Variants in OXER1 observed in about 807,000 individuals in gnomAD.
The protein encoded by OXER1 is oxoeicosanoid receptor 1.
For missense variants in OXER1, 587 were observed against 551.7 expected (o/e 1.06, Z -0.64); for synonymous variants, 258 against 245.8 (o/e 1.05, Z -0.47).
chr2:42,762,749 C>A, exon 1 of OXER1: 4 of 804,282 alleles, frequency 5.0e-6, no homozygotes, highest in Admixed American at 2.8e-5. Context: ...GGGTTTCTCT[C>A]CCTGCCACCC....
exon 1 of OXER1, chr2:42,762,777 G>T (rs1670499474): frequency 9.3e-7 from 1 of 1,075,714 alleles, no homozygotes; most frequent in Non-Finnish European, 1.3e-6. Context: ...TCCTGCCAGT[G>T]CTTTGGCCTG....
chr2:42,762,958 T>C, exon 1 of OXER1: 1 of 1,613,732 alleles, frequency 6.2e-7, no homozygotes, highest in Non-Finnish European at 8.5e-7. Context: ...CCCTGCACTT[T>C]CAGCTTCCCT....
At position 42,763,818 on chromosome 2, in the gene OXER1, G is replaced by C; in HGVS notation, c.362C>G (p.Thr121Arg). The change falls in exon 1 of 1, where the codon ACG (threonine) becomes AGG (arginine). Residue 121 changes from threonine to arginine, a missense_variant. Transcript: ENST00000378661. The surrounding 1 kb of genome is among the most constrained non-coding windows in gnomAD (Gnocchi z 4.4). ...CACCGTGTTGGAGGTCCAGGGCCGC[G>C]TGTGGATGCAGAAGATGAAGAGGGC... The C allele has an allele frequency of 6.2e-7, 1 of 1,613,954 alleles. No individual in the cohort carries two copies. The highest frequency in any genetic ancestry group is 8.5e-7 in the Non-Finnish European group (1 of 1,180,012).
chr2:42,762,666 TCTC>T, exon 1 of OXER1: 1 of 524,202 alleles, frequency 1.9e-6, no homozygotes. Context: ...ACCTTGCCTG[TCTC>T]CTCCACCCGG....
exon 1 of OXER1, chr2:42,762,856 C>G (rs1424774520): frequency 1.9e-6 from 3 of 1,542,846 alleles, no homozygotes; most frequent in East Asian, 4.5e-5. Context: ...TCCCTCCAGG[C>G]CAGAGCGCGG....
At chr2:42,762,683 C>T in exon 1 of OXER1, 1 of 550,606 alleles carries the variant, frequency 1.8e-6, no homozygotes, top group Non-Finnish European at 3.2e-6. Flanking sequence ...CACCCGGCAT[C>T]CTGCTCTCCC....
In OXER1 at chr2:42,763,652, G is replaced by A. The variant is rs138249889; in HGVS notation, c.528C>T (p.Arg176=). 1.2e-4 allele frequency: 192 copies of A among 1,613,928 alleles called. No individual in the cohort carries two copies. In the African/African-American group the frequency reaches 2.2e-3, roughly 19 times the overall value. ...CTGTGAGGAAGACAACGCTGGCCGT[G>A]CGGTTGGTGGACAGCATGAAGAGGT... The change falls in exon 1 of 1, where the codon CGC becomes CGT. Residue 176 remains arginine (R), a synonymous_variant. Coordinates refer to ENST00000378661, the Ensembl canonical transcript of OXER1. This position sits in a 1 kb window ranked among gnomAD's most constrained non-coding sequence, Gnocchi z 4.4.
At position 42,763,163 on chromosome 2, in the gene OXER1, G is replaced by A. The variant is rs1670518042; in HGVS notation, c.1017C>T (p.Gly339=). Reference sequence around the variant, plus strand: ...TGTTGAGGTAGGTGAAGGCCAGGGAGCCATGGAAGAGCTGTGTGCAGAGGT... The same window carrying A: ...TGTTGAGGTAGGTGAAGGCCAGGGAACCATGGAAGAGCTGTGTGCAGAGGT... Residue 339 remains glycine (G), a synonymous_variant, in exon 1 of 1, where the codon GGC becomes GGT. Coordinates refer to ENST00000378661, the Ensembl canonical transcript of OXER1. This position sits in a 1 kb window ranked among gnomAD's most constrained non-coding sequence, Gnocchi z 4.4. 1 of 1,613,924 alleles carries A rather than the reference G, an allele frequency of 6.2e-7. No individual in the cohort carries two copies. Among genetic ancestry groups the A allele is most frequent in the Non-Finnish European group, 8.5e-7 (1 of 1,179,836 alleles).
chr2:42,763,577 C>T lies in OXER1; in HGVS notation c.603G>A (p.Leu201=), dbSNP rs762089116. The T allele has an allele frequency of 6.3e-7, 1 of 1,592,030 alleles. No homozygotes were observed. Among genetic ancestry groups the T allele is most frequent in the Non-Finnish European group, 8.5e-7 (1 of 1,169,644 alleles). The change falls in exon 1 of 1, where the codon CTG becomes CTA. Residue 201 remains leucine, a synonymous_variant. Coordinates refer to ENST00000378661, the Ensembl canonical transcript of OXER1. The surrounding 1 kb of genome is among the most constrained non-coding windows in gnomAD (Gnocchi z 4.4). Reference sequence around the variant, plus strand: ...CAGCTGCCCCCACGGAAGCACGGCTCAGCACGTGGTGGGGCTGCACCACCT... The same window carrying T: ...CAGCTGCCCCCACGGAAGCACGGCTTAGCACGTGGTGGGGCTGCACCACCT...
In OXER1 at chr2:42,763,565, G is replaced by T. The variant is rs1443048563; in HGVS notation, c.615C>A (p.Ser205=). ...CGGCCACCCGGGCAGCTGCCCCCAC[G>T]GAAGCACGGCTCAGCACGTGGTGGG... Residue 205 remains serine, a synonymous_variant, in exon 1 of 1, where the codon TCC becomes TCA. Coordinates refer to ENST00000378661, the Ensembl canonical transcript of OXER1. This position sits in a 1 kb window ranked among gnomAD's most constrained non-coding sequence, Gnocchi z 4.4. 6.3e-7 allele frequency: 1 copy of T among 1,577,968 alleles called. No individual in the cohort carries two copies. Among genetic ancestry groups the T allele is most frequent in the Non-Finnish European group, 8.6e-7 (1 of 1,162,374 alleles).
In OXER1 at chr2:42,763,507, C is replaced by T. The variant is rs778260542; in HGVS notation, c.673G>A (p.Gly225Arg). The T allele has an allele frequency of 1.7e-5, 27 of 1,554,466 alleles. No homozygotes were observed. Among genetic ancestry groups the T allele is most frequent in the South Asian group, 5.9e-5 (5 of 84,642 alleles). The stretch of plus-strand genomic sequence containing the variant: ...GAGAAGGTGCTCAGGAGCAGGTGCC[C>T]GTTGAGGAGCAGGATGCCCACCCAG... The change falls in exon 1 of 1, where the codon GGG (glycine) becomes AGG (arginine). Residue 225 changes from glycine (G) to arginine (R), a missense_variant. Transcript: ENST00000378661. The surrounding 1 kb of genome is among the most constrained non-coding windows in gnomAD (Gnocchi z 4.4).
rs143141178 is a variant in OXER1, at chr2:42,763,341, C to T, written c.839G>A (p.Arg280Gln). ...TGCCTGCCCGCCCAGACCACGGTTC[C>T]GGATGGTGAGCCCAATGCTCACAAT... The change falls in exon 1 of 1, where the codon CGG (arginine) becomes CAG (glutamine). Residue 280 changes from arginine to glutamine, a missense_variant. Arg to Gln is a conservative substitution (Grantham distance 43). Transcript: ENST00000378661. The surrounding 1 kb of genome is among the most constrained non-coding windows in gnomAD (Gnocchi z 4.4). The T allele has an allele frequency of 1.6e-4, 256 of 1,612,448 alleles. No homozygotes were observed. In the African/African-American group the frequency reaches 2.6e-3, roughly 16 times the overall value.
rs1266005804 is a variant in OXER1 at position 42,763,149 on chromosome 2, G to A, written c.1031C>T (p.Thr344Ile). The A allele has an allele frequency of 1.9e-6, 3 of 1,614,024 alleles. No homozygotes were observed. The East Asian group carries it at 6.7e-5, about 36-fold the overall frequency. The change falls in exon 1 of 1, where the codon ACC becomes ATC. Residue 344 changes from threonine to isoleucine, a missense_variant. Physicochemically the swap from Thr to Ile is moderately conservative, Grantham distance 89. Transcript: ENST00000378661. The surrounding 1 kb of genome is among the most constrained non-coding windows in gnomAD (Gnocchi z 4.4). ...GGGGTCCAGGACACTGTTGAGGTAG[G>A]TGAAGGCCAGGGAGCCATGGAAGAG...
chr2:42,764,065 G>C (rs756364800), exon 1 of OXER1: 1 of 1,614,068 alleles, frequency 6.2e-7, no homozygotes, highest in Non-Finnish European at 8.5e-7. Flanking sequence ...AGTTCCATGG[G>C]CTGCTTGGGC....
At chr2:42,762,638 A>C in exon 1 of OXER1, 1 of 482,358 alleles carries the variant, frequency 2.1e-6, no homozygotes, top group South Asian at 3.1e-5. Context: ...CCCCTGTCTG[A>C]GCTGGTGTGC....
chr2:42,763,151 G>A lies in OXER1; in HGVS notation c.1029C>T (p.Phe343=), dbSNP rs775010531. The A allele has an allele frequency of 3.1e-6, 5 of 1,614,128 alleles. No individual in the cohort carries two copies. The highest frequency in any genetic ancestry group is 4.2e-6 in the Non-Finnish European group (5 of 1,179,980). ...GGTCCAGGACACTGTTGAGGTAGGT[G>A]AAGGCCAGGGAGCCATGGAAGAGCT... Residue 343 remains phenylalanine, a synonymous_variant, in exon 1 of 1, where the codon TTC becomes TTT. Coordinates refer to ENST00000378661, the Ensembl canonical transcript of OXER1. This position sits in a 1 kb window ranked among gnomAD's most constrained non-coding sequence, Gnocchi z 4.4.
exon 1 of OXER1, chr2:42,762,862 C>T (rs750833314): frequency 8.4e-6 from 13 of 1,549,196 alleles, no homozygotes; most frequent in Admixed American, 3.8e-5. Flanking sequence ...CAGGCCAGAG[C>T]GCGGCAGCCC....
At chr2:42,762,644 T>C in exon 1 of OXER1, 1 of 495,570 alleles carries the variant, frequency 2.0e-6, no homozygotes, top group Admixed American at 3.7e-5. Flanking sequence ...TCTGAGCTGG[T>C]GTGCCAACGG....
At chr2:42,762,935 C>T (rs371721042) in exon 1 of OXER1, 2 of 1,613,194 alleles carry the variant, frequency 1.2e-6, no homozygotes, top group Non-Finnish European at 1.7e-6. Context: ...CTTCCTTTTC[C>T]AGAGAGACCT....
Sources: allele counts gnomAD v4.1 joint callset, GRCh38; gene constraint gnomAD v4.1.1; non-coding constraint Gnocchi (gnomAD v3.1); transcripts MANE v1.5; gene names NCBI Gene and HGNC (gene_info 2026-07-23, HGNC 2026-07-21).